The following MTMR7 variants were observed in gnomAD, a reference collection of about 807,000 sequenced individuals.
The protein encoded by MTMR7 is phosphatidylinositol-3-phosphate phosphatase MTMR7.
In MTMR7, 76 loss-of-function variants were observed where a neutral mutation model predicts 81.2. The observed-to-expected ratio is 0.94, with a 90% CI of 0.78 to 1.13. The LOEUF (loss-of-function observed/expected upper bound fraction) is 1.13, where lower values mean the gene tolerates loss of function less well. Ranked by LOEUF, MTMR7 falls within the 50% of genes most tolerant of loss-of-function variation. MTMR7 has a pLI of 0.00. For synonymous variants in MTMR7, 372 were observed against 289.8 expected, an observed-to-expected ratio of 1.28 and a Z score of -2.88; for missense variants, 1,044 against 820.0, an observed-to-expected ratio of 1.27 and a Z score of -3.34.
chr8:17,400,783 G>A (rs959784949), intron 1 of MTMR7, among the ~76,000 whole-genome samples: 17 of 152,290 alleles, frequency 1.1e-4, no homozygotes, highest in African/African-American at 3.8e-4. Context: ...TTGCTGGAAT[G>A]AAGCAATCCA....
intron 1 of MTMR7, among the ~76,000 whole-genome samples, chr8:17,405,854 ACACACACACACACACACACACACACC>A (rs1821563825): frequency 1.4e-5 from 1 of 70,094 alleles, no homozygotes; most frequent in South Asian, 3.9e-4. Flanking sequence ...ACACACACAC[ACACACACACACACACACACACACACC>A]ACAGAGAAAA....
intron 1 of MTMR7, among the ~76,000 whole-genome samples, chr8:17,396,253 T>C (rs1821244876): frequency 6.6e-6 from 1 of 152,030 alleles, no homozygotes; most frequent in South Asian, 2.1e-4. Context: ...AGCACCATCA[T>C]AAGAACCAAA....
chr8:17,303,996 C>T (rs920884747), intron 12 of MTMR7, among the ~76,000 whole-genome samples: 6 of 152,092 alleles, frequency 3.9e-5, no homozygotes, highest in Non-Finnish European at 7.4e-5. Context: ...TGTTGTATAA[C>T]GGCAAAAACC....
At chr8:17,360,478 G>GTT (rs79253452) in intron 4 of MTMR7, among the ~76,000 whole-genome samples, 9 of 143,588 alleles carry the variant, frequency 6.3e-5, no homozygotes, top group African/African-American at 2.3e-4. Flanking sequence ...TGGGTTTGGG[G>GTT]TTTTTTTTTT....
chr8:17,302,413 C>T, intron 12 of MTMR7, 133 bp from the exon 13 acceptor site: 2 of 966,192 alleles, frequency 2.1e-6, no homozygotes, highest in Non-Finnish European at 2.9e-6. Context: ...TCAAAAAAGC[C>T]ACTACTTAAG....
chr8:17,303,034 C>A (rs919880826), intron 12 of MTMR7, among the ~76,000 whole-genome samples: 3 of 151,936 alleles, frequency 2.0e-5, no homozygotes, highest in African/African-American at 7.2e-5. Flanking sequence ...TTATCCTACA[C>A]AAAAAAGCAA....
At chr8:17,340,415 T>A (rs113359874) in intron 6 of MTMR7, among the ~76,000 whole-genome samples, 1 of 152,250 alleles carries the variant, frequency 6.6e-6, no homozygotes, top group Non-Finnish European at 1.5e-5. Context: ...GCTAGGAAAG[T>A]GCAATTGCAA....
chr8:17,331,291 G>A lies in MTMR7; in HGVS notation c.733-9C>T. On this transcript the variant is annotated splice_polypyrimidine_tract_variant and intron_variant, in intron 6 of 13. Transcript: ENST00000180173. The stretch of plus-strand genomic sequence containing the variant: ...TTTGCCATTGCATTAAGCTGCAGTG[G>A]TCAGCAAAACAGAACAGTCATCAAT... The A allele has an allele frequency of 6.3e-7, 1 of 1,584,200 alleles. No individual in the cohort carries two copies. Among genetic ancestry groups the A allele is most frequent in the Non-Finnish European group, 8.6e-7 (1 of 1,168,770 alleles).
rs530299064 is a variant in MTMR7 at position 17,374,767 on chromosome 8, C to T, written c.25-1527G>A. ...GGCAGAGGTTGCAGTGAGCCAAGAT[C>T]GTGCCACTGAACTCCAGCCTGGGTG... On this transcript the variant is annotated intron_variant, in intron 1 of 13. Coordinates refer to ENST00000180173, the MANE Select transcript of MTMR7 (RefSeq NM_004686.5). Among the ~76,000 whole-genome samples, 25 of 152,010 alleles carry T rather than the reference C, an allele frequency of 1.6e-4. No individual in the cohort carries two copies. In the East Asian group the frequency reaches 3.7e-3, roughly 23 times the overall value.
intron 7 of MTMR7, among the ~76,000 whole-genome samples, chr8:17,323,522 G>A (rs371365359): frequency 6.6e-6 from 1 of 152,078 alleles, no homozygotes; most frequent in South Asian, 2.1e-4. Flanking sequence ...TTGAGAGGCT[G>A]GAAAGTCCGG....
At chr8:17,326,528 A>G (rs534740436) in intron 7 of MTMR7, 2 of 152,346 alleles carry the variant, frequency 1.3e-5, no homozygotes, top group African/African-American at 4.8e-5. Context: ...AATATGATAA[A>G]AAGTGCTAGG....
chr8:17,352,634 C>G (rs2150550811), intron 4 of MTMR7, among the ~76,000 whole-genome samples: 1 of 152,050 alleles, frequency 6.6e-6, no homozygotes, highest in East Asian at 1.9e-4. Flanking sequence ...TTTTATACAT[C>G]AAAGGACACA....
chr8:17,339,312 G>A (rs148581901), intron 6 of MTMR7, among the ~76,000 whole-genome samples: 25 of 152,012 alleles, frequency 1.6e-4, no homozygotes, highest in African/African-American at 5.8e-4. Context: ...TAAAGCATAC[G>A]ACTCAATGGT....
intron 1 of MTMR7, among the ~76,000 whole-genome samples, chr8:17,405,747 T>TA (rs1294613407): frequency 6.6e-6 from 1 of 150,768 alleles, no homozygotes; most frequent in Non-Finnish European, 1.5e-5. Flanking sequence ...ACTATGTGGT[T>TA]AAAAAAAAAA....
rs569182887 is a variant in MTMR7, at chr8:17,310,349, A to G, written c.1102-1023T>C. Among the ~76,000 whole-genome samples the G allele has an allele frequency of 2.0e-4, 31 of 152,260 alleles. No homozygotes were observed. In the South Asian group the frequency reaches 6.4e-3, roughly 32 times the overall value. On this transcript the variant is annotated intron_variant, in intron 9 of 13. Coordinates refer to ENST00000180173, the MANE Select transcript of MTMR7 (RefSeq NM_004686.5). ...AAGTAATATGGATAGTCTCATCAAT[A>G]TCCCCAATGCTTTAAAGTGGCCAGA...
chr8:17,357,167 T>C (rs1021215916), intron 4 of MTMR7, among the ~76,000 whole-genome samples: 11 of 152,250 alleles, frequency 7.2e-5, no homozygotes, highest in African/African-American at 2.7e-4. Context: ...GAATCAGAGC[T>C]ATCAGTATCA....
At chr8:17,358,954 C>T (rs1019623869) in intron 4 of MTMR7, among the ~76,000 whole-genome samples, 5 of 152,130 alleles carry the variant, frequency 3.3e-5, no homozygotes, top group South Asian at 2.1e-4. Context: ...GAGTGCATGG[C>T]GCGATCATGG....
In MTMR7 at chr8:17,413,273, G is replaced by A. The variant is rs1385773407; in HGVS notation, c.20C>T (p.Pro7Leu). 3 of 1,548,320 alleles carry A rather than the reference G, an allele frequency of 1.9e-6. No individual in the cohort carries two copies. The highest frequency in any genetic ancestry group is 1.7e-6 in the Non-Finnish European group (2 of 1,145,130). The change falls in exon 1 of 14, where the codon CCC becomes CTC. Residue 7 changes from proline (P) to leucine (L), a missense_variant. Pro to Leu is a moderately conservative substitution (Grantham distance 98). Transcript: ENST00000180173. MEHIRT[P>L]KVENVRLVDR... ...GCCCGCGCTGGTGTCACCAACCTTG[G>A]GCGTACGGATGTGCTCCATGGCTGG...
chr8:17,354,150 T>C (rs2150551892), intron 4 of MTMR7, among the ~76,000 whole-genome samples: 1 of 152,326 alleles, frequency 6.6e-6, no homozygotes, highest in East Asian at 1.9e-4. Context: ...CTGAGAGATA[T>C]CTATACAGAC....
Sources: gnomAD v4.1 joint callset for allele counts (sites outside exome capture counted in the v4.1 genomes callset) on GRCh38, gnomAD v4.1.1 for gene constraint, MANE v1.5 for transcripts, NCBI Gene and HGNC (gene_info 2026-07-23, HGNC 2026-07-21) for gene names.